Variants in HECTD2 observed in about 807,000 individuals in gnomAD.
HECTD2 encodes the protein probable E3 ubiquitin-protein ligase HECTD2.
Under a neutral mutation model 103.2 loss-of-function variants are expected in HECTD2, and 35 were observed. The ratio of observed to expected loss-of-function variants is 0.34; its 90% CI spans 0.26 to 0.45. HECTD2 has a LOEUF of 0.45. Ranked by LOEUF, HECTD2 falls within the 20% of genes least tolerant of loss-of-function variation. The pLI, the probability that HECTD2 is intolerant of heterozygous loss-of-function variation, is 1.00. For synonymous variants in HECTD2, 281 were observed against 329.9 expected (o/e 0.85, Z 1.61); for missense variants, 596 against 937.4 (o/e 0.64, Z 4.76).
chr10:91,495,622 T>C (rs2133332112), intron 14 of HECTD2, among the ~76,000 whole-genome samples: 1 of 152,172 alleles, frequency 6.6e-6, no homozygotes, highest in Non-Finnish European at 1.5e-5. Context: ...TGAGCAAAAT[T>C]TGTAACATCT....
intron 13 of HECTD2, 83 bp downstream of exon 13, chr10:91,492,567 C>T: frequency 9.4e-7 from 1 of 1,060,434 alleles, no homozygotes. Flanking sequence ...TTAACCTATT[C>T]TGTGATTTTA....
chr10:91,475,215 C>G, intron 5 of HECTD2, among the ~76,000 whole-genome samples: 1 of 152,044 alleles, frequency 6.6e-6, no homozygotes, highest in Non-Finnish European at 1.5e-5. Flanking sequence ...TTAGGAAGGC[C>G]TTGTAGTAGT....
In HECTD2 at chr10:91,512,497, T is replaced by A; in HGVS notation, c.*113T>A. 1 of 978,582 alleles carries A rather than the reference T, an allele frequency of 1.0e-6. No homozygotes were observed. Among genetic ancestry groups the A allele is most frequent in the Non-Finnish European group, 1.5e-6 (1 of 670,384 alleles). The allele number at this position is 978,582 out of a possible 1,614,324, so 60.6% of individuals were successfully genotyped here. A position where few individuals can be genotyped will look rare whatever the true frequency, so the allele number is the denominator to read the frequency against. ...ACACTTTGACAAAGCTCACCAACTT[T>A]AAAATATTAAGTTTTTAAAAAATCA... On this transcript the variant is annotated 3_prime_UTR_variant, in exon 21 of 21. Coordinates refer to ENST00000298068, the MANE Select transcript of HECTD2 (RefSeq NM_182765.6).
chr10:91,476,760 G>A (rs150322963), intron 5 of HECTD2, among the ~76,000 whole-genome samples: 70 of 152,310 alleles, frequency 4.6e-4, no homozygotes, highest in South Asian at 1.9e-3. Flanking sequence ...AGTGAGAACC[G>A]TCTTCTTGAA....
chr10:91,436,383 G>A (rs566261847), intron 2 of HECTD2, among the ~76,000 whole-genome samples: 8 of 152,138 alleles, frequency 5.3e-5, no homozygotes, highest in South Asian at 2.1e-4. Context: ...GATTCCCCAC[G>A]AAAGTGTCTT....
At chr10:91,477,182 C>T (rs1168287557) in intron 5 of HECTD2, among the ~76,000 whole-genome samples, 11 of 118,760 alleles carry the variant, frequency 9.3e-5, no homozygotes, top group Admixed American at 7.0e-4. Flanking sequence ...AGCGAGACTC[C>T]GTCTCAAAAA....
intron 2 of HECTD2, among the ~76,000 whole-genome samples, chr10:91,454,723 C>T (rs1033028773): frequency 1.3e-5 from 2 of 151,996 alleles, no homozygotes; most frequent in Non-Finnish European, 2.9e-5. Flanking sequence ...TCCCCCCTCC[C>T]CCTACCCCAC....
chr10:91,508,673 G>T (rs1041146828), intron 20 of HECTD2, among the ~76,000 whole-genome samples: 2 of 148,018 alleles, frequency 1.4e-5, no homozygotes, highest in African/African-American at 5.3e-5. Context: ...TACACTGTTG[G>T]TGGGACTGTA....
intron 6 of HECTD2, 51 bp from the exon 7 acceptor site, chr10:91,481,043 C>A: frequency 9.0e-7 from 1 of 1,115,786 alleles, no homozygotes; most frequent in Non-Finnish European, 1.3e-6. Flanking sequence ...TCGTTAGATG[C>A]TATGAGATTA....
At chr10:91,430,376 C>T (rs1843794192) in intron 2 of HECTD2, among the ~76,000 whole-genome samples, 1 of 152,146 alleles carries the variant, frequency 6.6e-6, no homozygotes, top group Non-Finnish European at 1.5e-5. Flanking sequence ...GTGGAGTGTT[C>T]TGTAGATGTC....
At chr10:91,428,656 A>G (rs989648541) in intron 2 of HECTD2, among the ~76,000 whole-genome samples, 27 of 151,860 alleles carry the variant, frequency 1.8e-4, no homozygotes, top group Middle Eastern at 3.2e-3. Context: ...ATGGGAGTTC[A>G]CTCATGATTT....
intron 2 of HECTD2, among the ~76,000 whole-genome samples, chr10:91,435,540 T>C (rs1844078150): frequency 6.6e-6 from 1 of 151,970 alleles, no homozygotes; most frequent in South Asian, 2.1e-4. Flanking sequence ...TCAACATTGC[T>C]AAATTTCAGG....
At chr10:91,427,383 G>A (rs1222962949) in intron 2 of HECTD2, among the ~76,000 whole-genome samples, 1 of 151,982 alleles carries the variant, frequency 6.6e-6, no homozygotes, top group African/African-American at 2.4e-5. Flanking sequence ...GGATGGCTGG[G>A]TCAAATGGTA....
At position 91,487,104 on chromosome 10, in the gene HECTD2, T is replaced by C. The variant is rs976756760; in HGVS notation, c.1095-578T>C. On this transcript the variant is annotated intron_variant, in intron 10 of 20. Coordinates refer to ENST00000298068, the MANE Select transcript of HECTD2 (RefSeq NM_182765.6). This position sits in a 1 kb window ranked among gnomAD's most constrained non-coding sequence, Gnocchi z 4.1. ...AGGAGGGGTTATTTTCATAACCTTTTTATAATGTGTAATTACAAATACATA... is the reference window on the plus strand; with the variant it reads ...AGGAGGGGTTATTTTCATAACCTTTCTATAATGTGTAATTACAAATACATA... The C allele has an allele frequency of 3.7e-5, 4 of 107,866 alleles. No individual in the cohort carries two copies. The highest frequency in any genetic ancestry group is 6.4e-5 in the Non-Finnish European group (4 of 62,870). The allele number at this position is 107,866 out of a possible 1,614,324, so 6.7% of individuals were successfully genotyped here.
At chr10:91,475,391 A>G (rs1268430090) in intron 5 of HECTD2, among the ~76,000 whole-genome samples, 2 of 152,236 alleles carry the variant, frequency 1.3e-5, no homozygotes, top group Non-Finnish European at 1.5e-5. Context: ...ATTTAATTAG[A>G]TGGATAAGGC....
chr10:91,415,812 A>G (rs77969496), intron 1 of HECTD2, among the ~76,000 whole-genome samples: 1,702 of 152,316 alleles, frequency 0.011, 37 homozygotes, highest in African/African-American at 0.039. Context: ...TGGGAAAGAT[A>G]TGTTCTAGGA....
intron 14 of HECTD2, among the ~76,000 whole-genome samples, chr10:91,494,991 T>C (rs1037844968): frequency 6.6e-6 from 1 of 151,984 alleles, no homozygotes; most frequent in Admixed American, 6.6e-5. Context: ...AGTTTCTATT[T>C]AGTCATTACC....
chr10:91,505,655 C>T (rs1401668731), intron 20 of HECTD2, among the ~76,000 whole-genome samples: 3 of 150,458 alleles, frequency 2.0e-5, no homozygotes, highest in Non-Finnish European at 3.0e-5. Context: ...GAGACTTAGA[C>T]TCCCACACAT....
chr10:91,496,965 CT>C (rs200052503), intron 15 of HECTD2, among the ~76,000 whole-genome samples: 108 of 141,926 alleles, frequency 7.6e-4, no homozygotes, highest in Admixed American at 9.2e-4. Flanking sequence ...GAAAATCTTT[CT>C]TTTTTTTTTT....
Sources: allele counts gnomAD v4.1 joint callset (sites outside exome capture counted in the v4.1 genomes callset), GRCh38; gene constraint gnomAD v4.1.1; non-coding constraint Gnocchi (gnomAD v3.1); transcripts MANE v1.5; gene names NCBI Gene and HGNC (gene_info 2026-07-23, HGNC 2026-07-21).